SNX9: variants seen among roughly 807,000 people sequenced by gnomAD.
SNX9 encodes sorting nexin-9.
Under a neutral mutation model 89.4 loss-of-function variants are expected in SNX9, and 44 were observed. The observed-to-expected ratio is 0.49, with a 90% CI of 0.39 to 0.63. The LOEUF (loss-of-function observed/expected upper bound fraction) is 0.63, where lower values mean the gene tolerates loss of function less well. Ranked by LOEUF, SNX9 falls within the 30% of genes least tolerant of loss-of-function variation. SNX9 has a pLI of 0.00. For missense variants in SNX9, 578 were observed against 736.1 expected (o/e 0.79, Z 2.49); for synonymous variants, 236 against 247.8 (o/e 0.95, Z 0.45).
rs150451953 is a variant in SNX9, at chr6:157,838,453, G to A, written c.12+15007G>A. 2.5e-3 allele frequency among the ~76,000 whole-genome samples: 388 copies of A among 152,240 alleles called. 1 individual carries two copies. The highest frequency in any genetic ancestry group is 8.7e-3 in the African/African-American group (360 of 41,526). The stretch of plus-strand genomic sequence containing the variant: ...TTAGATATCTTCCATTAGGTGTACG[G>A]TTGCTGTGGTAAAAGTATGTATACA... On this transcript the variant is annotated intron_variant, in intron 1 of 17. Transcript: ENST00000392185.
intron 9 of SNX9, among the ~76,000 whole-genome samples, chr6:157,913,305 A>C (rs902459038): frequency 1.4e-5 from 2 of 147,026 alleles, no homozygotes. Flanking sequence ...TCTATATTTT[A>C]TTTATTTATT....
chr6:157,838,927 A>G (rs1781639689), intron 1 of SNX9, among the ~76,000 whole-genome samples: 1 of 152,214 alleles, frequency 6.6e-6, no homozygotes, highest in Non-Finnish European at 1.5e-5. Flanking sequence ...GGCCGAGGAC[A>G]TAGCGTCTTG....
chr6:157,916,644 G>C (rs948798625), intron 9 of SNX9, among the ~76,000 whole-genome samples: 2 of 152,168 alleles, frequency 1.3e-5, no homozygotes, highest in African/African-American at 2.4e-5. Flanking sequence ...ATGAATAGAT[G>C]CTGGATTTTG....
In SNX9 at chr6:157,850,556, G is replaced by A. The variant is rs901303127; in HGVS notation, c.13-16991G>A. ...TGGGCTCACATGCACATTATCTTTCGAGTTTGCTGGGGGAGTCTCTTCCCT... is the reference window on the plus strand; with the variant it reads ...TGGGCTCACATGCACATTATCTTTCAAGTTTGCTGGGGGAGTCTCTTCCCT... On this transcript the variant is annotated intron_variant, in intron 1 of 17. Coordinates refer to ENST00000392185, the MANE Select transcript of SNX9 (RefSeq NM_016224.5). Among the ~76,000 whole-genome samples, 6 of 152,158 alleles carry A rather than the reference G, an allele frequency of 3.9e-5. No individual in the cohort carries two copies. In the East Asian group the frequency reaches 5.8e-4, roughly 15 times the overall value.
intron 1 of SNX9, among the ~76,000 whole-genome samples, chr6:157,838,684 G>T (rs1781633487): frequency 6.6e-6 from 1 of 152,190 alleles, no homozygotes; most frequent in Non-Finnish European, 1.5e-5. Context: ...CTAGTTTAGG[G>T]AATGGTGTTA....
chr6:157,911,485 G>A (rs942027278), intron 9 of SNX9, among the ~76,000 whole-genome samples: 1 of 152,228 alleles, frequency 6.6e-6, no homozygotes, highest in Non-Finnish European at 1.5e-5. Context: ...ATGGAAACAT[G>A]TCAGCACTGC....
chr6:157,860,263 C>T (rs1321286681), intron 1 of SNX9, among the ~76,000 whole-genome samples: 1 of 152,020 alleles, frequency 6.6e-6, no homozygotes, highest in Non-Finnish European at 1.5e-5. Flanking sequence ...AAATATTAGC[C>T]AGGAGTGGTG....
intron 1 of SNX9, among the ~76,000 whole-genome samples, chr6:157,828,310 C>CAAAAAAAAAA (rs371428014): frequency 2.0e-5 from 3 of 151,998 alleles, no homozygotes; most frequent in African/African-American, 7.3e-5. Flanking sequence ...AAAAATGTTG[C>CAAAAAAAAAA]AGTTTTTCTA....
chr6:157,849,203 T>C (rs1781861588), intron 1 of SNX9, among the ~76,000 whole-genome samples: 1 of 152,170 alleles, frequency 6.6e-6, no homozygotes, highest in Non-Finnish European at 1.5e-5. Flanking sequence ...CAGGGTCAGG[T>C]GATCATATAA....
At chr6:157,899,204 T>C (rs1250457059) in intron 5 of SNX9, among the ~76,000 whole-genome samples, 2 of 152,046 alleles carry the variant, frequency 1.3e-5, no homozygotes, top group Non-Finnish European at 1.5e-5. Flanking sequence ...TAATTACTTC[T>C]TCACTCTCAT....
intron 5 of SNX9, 88 bp from the exon 6 acceptor site, chr6:157,901,810 G>A (rs1332907327): frequency 2.0e-6 from 3 of 1,486,746 alleles, no homozygotes; most frequent in East Asian, 2.3e-5. Flanking sequence ...TGCCCAGTAG[G>A]TAGTTACTGT....
chr6:157,943,950 C>T lies in SNX9; in HGVS notation c.*1112C>T. On this transcript the variant is annotated 3_prime_UTR_variant, in exon 18 of 18. Coordinates refer to ENST00000392185, the MANE Select transcript of SNX9 (RefSeq NM_016224.5). ...GAAGGGCTGCAGCCTCAGCAGTGTACAGAGTCCCCGGCGCTCTGAGGTTGG... is the reference window on the plus strand; with the variant it reads ...GAAGGGCTGCAGCCTCAGCAGTGTATAGAGTCCCCGGCGCTCTGAGGTTGG... The T allele has an allele frequency of 6.6e-6, 1 of 152,140 alleles. No individual in the cohort carries two copies. Among genetic ancestry groups the T allele is most frequent in the East Asian group, 1.9e-4 (1 of 5,170 alleles). 9.4% of individuals were successfully genotyped at this position (152,140 alleles called of 1,614,324 possible).
At chr6:157,840,290 G>A (rs1298524045) in intron 1 of SNX9, among the ~76,000 whole-genome samples, 2 of 152,176 alleles carry the variant, frequency 1.3e-5, no homozygotes, top group African/African-American at 2.4e-5. Flanking sequence ...AGGGAAGAGG[G>A]GCTGCTCCCC....
At chr6:157,930,861 A>G (rs1304218153) in intron 12 of SNX9, among the ~76,000 whole-genome samples, 1 of 152,248 alleles carries the variant, frequency 6.6e-6, no homozygotes, top group Non-Finnish European at 1.5e-5. Flanking sequence ...AAACTCTTGC[A>G]AGACCATCAT....
chr6:157,888,714 G>A (rs1782789590), intron 4 of SNX9, among the ~76,000 whole-genome samples: 1 of 152,128 alleles, frequency 6.6e-6, no homozygotes, highest in South Asian at 2.1e-4. Context: ...AACCCTAAAA[G>A]TCATCTTTTT....
chr6:157,825,700 G>A (rs187474456), intron 1 of SNX9, among the ~76,000 whole-genome samples: 37 of 152,294 alleles, frequency 2.4e-4, no homozygotes, highest in Admixed American at 2.4e-3. Context: ...CAACGAAGCA[G>A]TTATTAAAAG....
intron 4 of SNX9, 132 bp downstream of exon 4, chr6:157,875,308 G>C: frequency 2.4e-6 from 3 of 1,257,012 alleles, no homozygotes; most frequent in Non-Finnish European, 3.2e-6. Flanking sequence ...AGGTTGTTCT[G>C]TGGCATTTCT....
At chr6:157,862,274 G>GT (rs1195951494) in intron 1 of SNX9, among the ~76,000 whole-genome samples, 1 of 152,148 alleles carries the variant, frequency 6.6e-6, no homozygotes, top group East Asian at 1.9e-4. Context: ...GTCTGTGAAA[G>GT]TAAGTTCTGT....
At chr6:157,827,596 ATATATGAG>A (rs1318791480) in intron 1 of SNX9, among the ~76,000 whole-genome samples, 1 of 137,702 alleles carries the variant, frequency 7.3e-6, no homozygotes, top group Admixed American at 7.6e-5. Context: ...TAGTTTATAT[ATATATGAG>A]ATATATAAAT....
Sources: gnomAD v4.1 joint callset for allele counts (sites outside exome capture counted in the v4.1 genomes callset) on GRCh38, gnomAD v4.1.1 for gene constraint, MANE v1.5 for transcripts, NCBI Gene and HGNC (gene_info 2026-07-23, HGNC 2026-07-21) for gene names.